CHODL: variants seen among roughly 807,000 people sequenced by gnomAD.
CHODL encodes chondrolectin, also known as transmembrane protein MT75.
CHODL carries 29 observed loss-of-function variants against 34.5 expected under a neutral mutation model. That is an observed-to-expected ratio of 0.84 (90% CI 0.63 to 1.15). The LOEUF is 1.15. CHODL is among the 50% of genes most tolerant of loss of function. The pLI is 0.00. For missense variants in CHODL, 332 were observed against 332.5 expected (o/e 1.00, Z 0.01); for synonymous variants, 125 against 116.1 (o/e 1.08, Z -0.49).
At chr21:17,994,293 G>A (rs1013614224) in intron 1 of CHODL, among the ~76,000 whole-genome samples, 1 of 152,208 alleles carries the variant, frequency 6.6e-6, no homozygotes, top group Non-Finnish European at 1.5e-5. Context: ...TGGTGACAGC[G>A]ATGGGCTGGG....
rs139806867 is a variant in CHODL, at chr21:17,999,498, C to A, written c.-144-28374C>A. Among the ~76,000 whole-genome samples the A allele has an allele frequency of 1.3e-5, 2 of 152,154 alleles. 1 individual carries two copies. The highest frequency in any genetic ancestry group is 3.9e-4 in the East Asian group (2 of 5,170). ...TCTTCACACTGCTAATAAACACATACGTGAAACTGTGGAAAAAAAAAGGTT... is the reference window on the plus strand; with the variant it reads ...TCTTCACACTGCTAATAAACACATAAGTGAAACTGTGGAAAAAAAAAGGTT... On this transcript the variant is annotated intron_variant, in intron 1 of 6. Coordinates refer to the CHODL transcript ENST00000400127.
rs532308572 is a variant in CHODL, at chr21:18,097,702, G to T, written c.-45+69731G>T. Among the ~76,000 whole-genome samples, 8 of 152,082 alleles carry T rather than the reference G, an allele frequency of 5.3e-5. No individual in the cohort carries two copies. The East Asian group carries it at 1.4e-3, about 26-fold the overall frequency. On this transcript the variant is annotated intron_variant, in intron 2 of 6. Coordinates refer to the CHODL transcript ENST00000400127. ...CAAAATACCAATGACATTCTTCACAGAAATAGGAAAAACCATCATAAAATT... is the reference window on the plus strand; with the variant it reads ...CAAAATACCAATGACATTCTTCACATAAATAGGAAAAACCATCATAAAATT...
chr21:17,969,113 G>A (rs2063595099), intron 1 of CHODL, among the ~76,000 whole-genome samples: 1 of 152,176 alleles, frequency 6.6e-6, no homozygotes, highest in Non-Finnish European at 1.5e-5. Flanking sequence ...TTAGTTGAGA[G>A]CATAAATAAG....
At chr21:18,206,844 C>G (rs1394899125) in intron 2 of CHODL, among the ~76,000 whole-genome samples, 1 of 147,904 alleles carries the variant, frequency 6.8e-6, no homozygotes, top group Non-Finnish European at 1.5e-5. Flanking sequence ...ATAAGGCTTG[C>G]AAATAATATC....
chr21:18,129,408 C>A (rs2072624698), intron 2 of CHODL, among the ~76,000 whole-genome samples: 1 of 152,056 alleles, frequency 6.6e-6, no homozygotes, highest in African/African-American at 2.4e-5. Flanking sequence ...AACATCTATT[C>A]AGAATGCATT....
chr21:18,128,672 T>C (rs2072612623), intron 2 of CHODL, among the ~76,000 whole-genome samples: 1 of 152,192 alleles, frequency 6.6e-6, no homozygotes, highest in Non-Finnish European at 1.5e-5. Context: ...GAATACATTC[T>C]GGAGCAAGGA....
At chr21:18,253,320 T>A (rs2074279819) in intron 1 of CHODL, among the ~76,000 whole-genome samples, 1 of 152,146 alleles carries the variant, frequency 6.6e-6, no homozygotes, top group African/African-American at 2.4e-5. Context: ...GTTTTGTTTT[T>A]TTTTAATATG....
chr21:18,108,837 TTG>T (rs68066729), intron 2 of CHODL, among the ~76,000 whole-genome samples: 3,541 of 146,202 alleles, frequency 0.024, 101 homozygotes, highest in East Asian at 0.06. Flanking sequence ...CTTTGCAATG[TTG>T]TGTGTGTGTG....
chr21:18,127,669 ATTGTTTTTTTTT>A (rs2072589551), intron 2 of CHODL, among the ~76,000 whole-genome samples: 1 of 76,674 alleles, frequency 1.3e-5, no homozygotes, highest in East Asian at 3.2e-4. Context: ...TTGCGTTGCC[ATTGTTTTTTTTT>A]TTTTTTTTTT....
chr21:18,173,709 A>G (rs1450699521), intron 2 of CHODL, among the ~76,000 whole-genome samples: 2 of 152,104 alleles, frequency 1.3e-5, no homozygotes, highest in African/African-American at 2.4e-5. Context: ...TCTTCTTCCA[A>G]TGTAAATATA....
At chr21:18,050,592 A>T (rs2146467581) in intron 2 of CHODL, among the ~76,000 whole-genome samples, 1 of 152,048 alleles carries the variant, frequency 6.6e-6, no homozygotes, top group East Asian at 2.0e-4. Context: ...TTGAAGTTAG[A>T]TGTGCAGAGC....
At chr21:18,050,175 C>T (rs963129914) in intron 2 of CHODL, among the ~76,000 whole-genome samples, 3 of 151,838 alleles carry the variant, frequency 2.0e-5, no homozygotes, top group Non-Finnish European at 4.4e-5. Flanking sequence ...AAACACTCCA[C>T]AGAGGGACAT....
At chr21:18,145,160 G>A (rs1235992459) in intron 2 of CHODL, among the ~76,000 whole-genome samples, 2 of 151,176 alleles carry the variant, frequency 1.3e-5, no homozygotes, top group African/African-American at 4.8e-5. Context: ...ATTTGGGCCG[G>A]GCGCGGTGGC....
intron 2 of CHODL, among the ~76,000 whole-genome samples, chr21:18,193,907 C>T (rs568501412): frequency 8.5e-5 from 13 of 152,068 alleles, no homozygotes; most frequent in African/African-American, 2.7e-4. Context: ...ACCTGCCCCC[C>T]CTTGGTAAAT....
At chr21:18,020,575 C>G (rs1466580989) in intron 1 of CHODL, among the ~76,000 whole-genome samples, 1 of 152,046 alleles carries the variant, frequency 6.6e-6, no homozygotes, top group Admixed American at 6.6e-5. Context: ...AAATTTACAC[C>G]TTTTATTCTT....
chr21:18,003,008 A>G (rs1275094085), intron 1 of CHODL, among the ~76,000 whole-genome samples: 1 of 151,938 alleles, frequency 6.6e-6, no homozygotes, highest in East Asian at 1.9e-4. Context: ...CTGTAGTCCC[A>G]GCTACTCGGG....
At chr21:17,978,440 C>T (rs1255685831) in intron 1 of CHODL, among the ~76,000 whole-genome samples, 2 of 148,500 alleles carry the variant, frequency 1.3e-5, no homozygotes, top group Non-Finnish European at 3.0e-5. Flanking sequence ...AAAAAAAGGC[C>T]GGGCGCGGTG....
intron 2 of CHODL, among the ~76,000 whole-genome samples, chr21:18,142,864 C>G (rs1469840118): frequency 6.6e-6 from 1 of 152,162 alleles, no homozygotes; most frequent in Non-Finnish European, 1.5e-5. Context: ...CTGGGATCTA[C>G]TTTGCATTTG....
intron 1 of CHODL, among the ~76,000 whole-genome samples, chr21:17,977,469 G>A (rs553814357): frequency 6.7e-6 from 1 of 149,936 alleles, no homozygotes; most frequent in East Asian, 2.0e-4. Context: ...GAGTTCAAGC[G>A]ATTCTCCTGC....
Sources: allele counts gnomAD v4.1 joint callset (sites outside exome capture counted in the v4.1 genomes callset), GRCh38; gene constraint gnomAD v4.1.1; transcripts MANE v1.5; gene names NCBI Gene and HGNC (gene_info 2026-07-23, HGNC 2026-07-21).